The following WFDC8 variants were observed in gnomAD, a reference collection of about 807,000 sequenced individuals.
The protein encoded by WFDC8 is WAP four-disulfide core domain 8.
In WFDC8, 24 loss-of-function variants were observed where a neutral mutation model predicts 27.0. That is an observed-to-expected ratio of 0.89 (90% confidence interval 0.64 to 1.25). The LOEUF (loss-of-function observed/expected upper bound fraction) is 1.25. WFDC8 is among the 50% of genes most tolerant of loss of function. The probability of loss-of-function intolerance (pLI) is 0.00; values close to 1 mark genes in which losing one functional copy is unlikely to be tolerated. For synonymous variants in WFDC8, 106 were observed against 99.7 expected (o/e 1.06, Z -0.38); for missense variants, 287 against 295.9 (o/e 0.97, Z 0.22).
intron 2 of WFDC8, among the ~76,000 whole-genome samples, chr20:45,561,192 A>T (rs964117583): frequency 3.3e-5 from 5 of 152,114 alleles, no homozygotes; most frequent in Non-Finnish European, 7.4e-5. Flanking sequence ...TCTACTGGGG[A>T]TGCTTCTCAG....
chr20:45,568,771 G>C (rs1383376968), intron 1 of WFDC8: 2 of 460,960 alleles, frequency 4.3e-6, no homozygotes, highest in African/African-American at 3.9e-5. Flanking sequence ...TGACACTCTC[G>C]ATAATTACAA....
chr20:45,555,695 T>A lies in WFDC8; in HGVS notation c.445+6A>T. The A allele has an allele frequency of 6.2e-7, 1 of 1,612,160 alleles. No homozygotes were observed. Among genetic ancestry groups the A allele is most frequent in the Non-Finnish European group, 8.5e-7 (1 of 1,179,930 alleles). On this transcript the variant is annotated splice_donor_region_variant and intron_variant, in intron 4 of 5. Coordinates refer to ENST00000289953, the MANE Select transcript of WFDC8 (RefSeq NM_130896.3). Reference sequence around the variant, plus strand: ...GACCCTCAGATTTCCAGGATAGAGGTCTCACCAATTAACATGCAGGCCGTT... The same window carrying A: ...GACCCTCAGATTTCCAGGATAGAGGACTCACCAATTAACATGCAGGCCGTT...
At chr20:45,568,681 C>A in intron 1 of WFDC8, 1 of 535,860 alleles carries the variant, frequency 1.9e-6, no homozygotes, top group South Asian at 1.4e-5. Flanking sequence ...GCAGGTGAAC[C>A]ACAAAAGTCA....
At chr20:45,555,970 T>A in intron 3 of WFDC8, 102 bp from the exon 4 acceptor site, 1 of 1,236,898 alleles carries the variant, frequency 8.1e-7, no homozygotes, top group Non-Finnish European at 1.1e-6. Flanking sequence ...ATCACCCAAG[T>A]CATAAAAGGA....
chr20:45,558,757 C>T (rs972532743), intron 3 of WFDC8, 95 bp downstream of exon 3: 20 of 1,506,758 alleles, frequency 1.3e-5, no homozygotes, highest in Admixed American at 5.5e-5. Context: ...AGCACAGGCC[C>T]TGGGTCCTTG....
intron 3 of WFDC8, 21 bp downstream of exon 3, chr20:45,558,831 C>T (rs746758212): frequency 6.2e-7 from 1 of 1,613,732 alleles, no homozygotes; most frequent in East Asian, 2.2e-5. Context: ...GAACCTCTGT[C>T]CTCAGCCTGG....
chr20:45,568,610 G>T, intron 1 of WFDC8: 1 of 528,484 alleles, frequency 1.9e-6, no homozygotes, highest in South Asian at 1.4e-5. Flanking sequence ...TTATATTCCT[G>T]AATTCAGTGC....
rs183993894 is a variant in WFDC8 at position 45,576,627 on chromosome 20, G to A, written c.26+2595C>T. On this transcript the variant is annotated intron_variant, in intron 1 of 5. Transcript: ENST00000289953. Reference sequence around the variant, plus strand: ...TGCCTAGGCTGGTCTTGAACTCCTGGCCTCAAGCAATCTGCCTGCCTCGGC... The same window carrying A: ...TGCCTAGGCTGGTCTTGAACTCCTGACCTCAAGCAATCTGCCTGCCTCGGC... Among the ~76,000 whole-genome samples, 133 of 151,448 alleles carry A rather than the reference G, an allele frequency of 8.8e-4. 6 individuals carry two copies. The highest frequency in any genetic ancestry group is 2.2e-3 in the Admixed American group (33 of 15,184).
intron 3 of WFDC8, among the ~76,000 whole-genome samples, chr20:45,556,644 AC>A (rs1243441035): frequency 6.6e-6 from 1 of 152,204 alleles, no homozygotes; most frequent in Non-Finnish European, 1.5e-5. Context: ...GAAGAGCTCA[AC>A]GTCAACCATT....
intron 1 of WFDC8, among the ~76,000 whole-genome samples, chr20:45,567,573 G>A (rs944566527): frequency 1.3e-5 from 2 of 152,136 alleles, no homozygotes; most frequent in African/African-American, 4.8e-5. Context: ...TCTCACTAGC[G>A]ATGAAAACTC....
At chr20:45,567,667 C>G (rs1980726816) in intron 1 of WFDC8, among the ~76,000 whole-genome samples, 1 of 152,154 alleles carries the variant, frequency 6.6e-6, no homozygotes, top group African/African-American at 2.4e-5. Flanking sequence ...AAGCCACTCT[C>G]CACCGCCACT....
intron 1 of WFDC8, among the ~76,000 whole-genome samples, chr20:45,575,616 C>T (rs934580483): frequency 2.0e-5 from 3 of 150,948 alleles, no homozygotes; most frequent in Non-Finnish European, 3.0e-5. Flanking sequence ...TCTTTTTGCC[C>T]AGCTTCCCCA....
intron 1 of WFDC8, among the ~76,000 whole-genome samples, chr20:45,566,027 A>C (rs541816614): frequency 3.9e-5 from 6 of 152,336 alleles, no homozygotes; most frequent in African/African-American, 1.4e-4. Context: ...TTGAAACCAT[A>C]GTATTCAAAC....
intron 3 of WFDC8, among the ~76,000 whole-genome samples, chr20:45,557,930 A>G (rs1178254129): frequency 1.3e-5 from 2 of 152,152 alleles, no homozygotes; most frequent in African/African-American, 2.4e-5. Flanking sequence ...TTGGACATTT[A>G]AAAAATCTCC....
chr20:45,557,119 C>T (rs535071988), intron 3 of WFDC8, among the ~76,000 whole-genome samples: 4 of 152,220 alleles, frequency 2.6e-5, no homozygotes, highest in East Asian at 1.9e-4. Context: ...TCTGCCACAA[C>T]GCCCAACCAC....
intron 3 of WFDC8, among the ~76,000 whole-genome samples, chr20:45,557,219 T>G (rs1980294908): frequency 6.6e-6 from 1 of 152,152 alleles, no homozygotes; most frequent in South Asian, 2.1e-4. Context: ...GCCAACCGAC[T>G]ACCACTTCTT....
At chr20:45,573,018 C>A (rs1375356277) in intron 1 of WFDC8, among the ~76,000 whole-genome samples, 1 of 152,184 alleles carries the variant, frequency 6.6e-6, no homozygotes, top group Non-Finnish European at 1.5e-5. Context: ...TGAATATTAA[C>A]CCCTCATCAT....
intron 1 of WFDC8, among the ~76,000 whole-genome samples, chr20:45,576,003 G>T (rs1247618286): frequency 2.6e-5 from 4 of 151,326 alleles, no homozygotes; most frequent in African/African-American, 9.7e-5. Flanking sequence ...CTAAGTTCAG[G>T]CTGAGTAAGT....
rs142308990 is a variant in WFDC8, at chr20:45,569,543, G to A, written c.27-7324C>T. Among the ~76,000 whole-genome samples the A allele has an allele frequency of 1.1e-4, 17 of 152,274 alleles. No individual in the cohort carries two copies. The East Asian group carries it at 3.1e-3, about 28-fold the overall frequency. On this transcript the variant is annotated intron_variant, in intron 1 of 5. Coordinates refer to ENST00000289953, the MANE Select transcript of WFDC8 (RefSeq NM_130896.3). ...AATTTAAATTTTAATTTATGCATAT[G>A]TTTTTAATTGCATAGCAGTAGGAAA...
Sources: allele counts gnomAD v4.1 joint callset (sites outside exome capture counted in the v4.1 genomes callset), GRCh38; gene constraint gnomAD v4.1.1; transcripts MANE v1.5; gene names NCBI Gene and HGNC (gene_info 2026-07-23, HGNC 2026-07-21).